Variants in TMA16 observed in about 807,000 individuals in gnomAD.
The protein encoded by TMA16 is translation machinery-associated protein 16.
In TMA16, 26 loss-of-function variants were observed where a neutral mutation model predicts 27.1. That is an observed-to-expected ratio of 0.96 (90% CI 0.70 to 1.33). The LOEUF (loss-of-function observed/expected upper bound fraction) is 1.33, where lower values mean the gene tolerates loss of function less well. Among genes scored for constraint, TMA16 ranks in the 40% most tolerant of loss-of-function variants. TMA16 has a pLI of 0.00. For synonymous variants in TMA16, 71 were observed against 81.9 expected (o/e 0.87, Z 0.72); for missense variants, 233 against 241.4 (o/e 0.97, Z 0.23).
At chr4:163,507,953 A>G (rs1737741130) in intron 2 of TMA16, among the ~76,000 whole-genome samples, 2 of 151,904 alleles carry the variant, frequency 1.3e-5, no homozygotes. Context: ...GATAAGCTTT[A>G]TATAGTAAAG....
chr4:163,503,535 A>G (rs1737676748), intron 1 of TMA16, among the ~76,000 whole-genome samples: 1 of 152,178 alleles, frequency 6.6e-6, no homozygotes, highest in Admixed American at 6.5e-5. Flanking sequence ...TTGCCCCTAA[A>G]ATAACTCTAT....
At chr4:163,509,233 T>G (rs1489092594) in intron 2 of TMA16, among the ~76,000 whole-genome samples, 1 of 152,172 alleles carries the variant, frequency 6.6e-6, no homozygotes, top group Non-Finnish European at 1.5e-5. Flanking sequence ...AAAGGCACGT[T>G]GAAACGCTGC....
intron 1 of TMA16, among the ~76,000 whole-genome samples, chr4:163,500,340 A>G (rs1481016269): frequency 1.3e-5 from 2 of 151,222 alleles, no homozygotes; most frequent in African/African-American, 2.4e-5. Context: ...CCTCCCAAAT[A>G]GCTGGGATTA....
chr4:163,511,860 A>C (rs922040209), intron 2 of TMA16, among the ~76,000 whole-genome samples: 1 of 152,022 alleles, frequency 6.6e-6, no homozygotes, highest in African/African-American at 2.4e-5. Context: ...AAAAGATTTC[A>C]TTTTATTTCT....
chr4:163,511,199 G>C (rs1318094881), intron 2 of TMA16, among the ~76,000 whole-genome samples: 1 of 151,522 alleles, frequency 6.6e-6, no homozygotes, highest in East Asian at 1.9e-4. Context: ...TCTATTTGCT[G>C]TATATCCTCT....
At chr4:163,517,325 A>T in intron 5 of TMA16, 109 bp from the exon 6 acceptor site, 1 of 1,099,996 alleles carries the variant, frequency 9.1e-7, no homozygotes, top group East Asian at 2.6e-5. Context: ...AATACTTCGA[A>T]ATTTTGTTTT....
chr4:163,497,745 A>G (rs1382518099), intron 1 of TMA16, among the ~76,000 whole-genome samples: 1 of 152,214 alleles, frequency 6.6e-6, no homozygotes, highest in African/African-American at 2.4e-5. Context: ...TCAAGATCTT[A>G]ATCACATCTG....
At chr4:163,501,445 A>G (rs1442866156) in intron 1 of TMA16, among the ~76,000 whole-genome samples, 2 of 152,252 alleles carry the variant, frequency 1.3e-5, no homozygotes, top group Non-Finnish European at 1.5e-5. Context: ...AAAGAGAGTT[A>G]AAACCAGTCT....
At chr4:163,495,526 A>G (rs1737537171) in intron 1 of TMA16, among the ~76,000 whole-genome samples, 1 of 152,228 alleles carries the variant, frequency 6.6e-6, no homozygotes, top group African/African-American at 2.4e-5. Context: ...TATAGTTACT[A>G]CATATATTTG....
In TMA16 at chr4:163,520,138, A is replaced by C; in HGVS notation, c.*624A>C. The C allele has an allele frequency of 2.3e-6, 1 of 438,588 alleles. No homozygotes were observed. Among genetic ancestry groups the C allele is most frequent in the Non-Finnish European group, 4.0e-6 (1 of 249,274 alleles). 27.2% of individuals were successfully genotyped at this position (438,588 alleles called of 1,614,324 possible). Reference sequence around the variant, plus strand: ...ATTTATCTTTTGACAAAGGGGATAAAGAGTTTCAGTTTAGCTCCTTTTGAT... The same window carrying C: ...ATTTATCTTTTGACAAAGGGGATAACGAGTTTCAGTTTAGCTCCTTTTGAT... On this transcript the variant is annotated 3_prime_UTR_variant, in exon 7 of 7. Transcript: ENST00000358572.
At chr4:163,508,893 C>G (rs1737753350) in intron 2 of TMA16, among the ~76,000 whole-genome samples, 1 of 152,138 alleles carries the variant, frequency 6.6e-6, no homozygotes, top group Non-Finnish European at 1.5e-5. Context: ...AACAGAACAA[C>G]ATGCTAATCT....
intron 1 of TMA16, among the ~76,000 whole-genome samples, chr4:163,496,681 T>C (rs1353718213): frequency 6.6e-6 from 1 of 152,104 alleles, no homozygotes; most frequent in Non-Finnish European, 1.5e-5. Flanking sequence ...CATTGCAACC[T>C]CCGCCTCCTG....
intron 1 of TMA16, among the ~76,000 whole-genome samples, chr4:163,497,829 G>A (rs767144388): frequency 3.3e-5 from 5 of 152,282 alleles, no homozygotes; most frequent in East Asian, 1.9e-4. Flanking sequence ...TCTTTTGGTC[G>A]GAGGAGGGCA....
chr4:163,510,856 A>G lies in TMA16; in HGVS notation c.117-1966A>G, dbSNP rs1737782551. ...CACAGCCCCCAAAGCCTAAAATGTG[A>G]CTACTTGACCATTGAAGAAAATATT... On this transcript the variant is annotated intron_variant, in intron 2 of 6. Coordinates refer to ENST00000358572, the MANE Select transcript of TMA16 (RefSeq NM_018352.3). 2.6e-5 allele frequency among the ~76,000 whole-genome samples: 4 copies of G among 152,306 alleles called. No individual in the cohort carries two copies. In the South Asian group the frequency reaches 8.3e-4, roughly 32 times the overall value.
At chr4:163,511,352 C>T (rs565731851) in intron 2 of TMA16, among the ~76,000 whole-genome samples, 1 of 151,514 alleles carries the variant, frequency 6.6e-6, no homozygotes, top group South Asian at 2.1e-4. Flanking sequence ...TCTTTTTGGT[C>T]ATTTGTGTTT....
At chr4:163,507,427 G>A (rs1416966102) in intron 2 of TMA16, among the ~76,000 whole-genome samples, 1 of 152,146 alleles carries the variant, frequency 6.6e-6, no homozygotes, top group Non-Finnish European at 1.5e-5. Flanking sequence ...GGATAGTCAT[G>A]GAAGCCTTCT....
chr4:163,509,491 T>C (rs150953421), intron 2 of TMA16, among the ~76,000 whole-genome samples: 20 of 152,308 alleles, frequency 1.3e-4, no homozygotes, highest in African/African-American at 4.3e-4. Context: ...CCGTTGCCAC[T>C]TAACTGGGTG....
intron 1 of TMA16, 53 bp downstream of exon 1, chr4:163,494,857 T>C: frequency 6.2e-7 from 1 of 1,607,940 alleles, no homozygotes; most frequent in South Asian, 1.1e-5. Context: ...CGGAAGGCTC[T>C]TGTTGAGCAG....
chr4:163,495,822 G>A (rs1216214648), intron 1 of TMA16, among the ~76,000 whole-genome samples: 3 of 151,942 alleles, frequency 2.0e-5, no homozygotes, highest in Non-Finnish European at 2.9e-5. Flanking sequence ...TTGATCCACT[G>A]CTGACGCATA....
Sources: allele counts gnomAD v4.1 joint callset (sites outside exome capture counted in the v4.1 genomes callset), GRCh38; gene constraint gnomAD v4.1.1; transcripts MANE v1.5; gene names NCBI Gene and HGNC (gene_info 2026-07-23, HGNC 2026-07-21).